Variants in SLC26A5 observed in about 807,000 individuals in gnomAD.
The protein encoded by SLC26A5 is solute carrier family 26 member 5.
In SLC26A5, 51 loss-of-function variants were observed where a neutral mutation model predicts 81.0. The ratio of observed to expected loss-of-function variants is 0.63; its 90% confidence interval spans 0.50 to 0.80. The LOEUF (loss-of-function observed/expected upper bound fraction) is 0.80, where lower values mean the gene tolerates loss of function less well. SLC26A5 is among the 30% of genes least tolerant of loss of function. SLC26A5 has a pLI of 0.00. For missense variants in SLC26A5, 771 were observed against 905.8 expected, an observed-to-expected ratio of 0.85 and a Z score of 1.91; for synonymous variants, 325 against 332.8, an observed-to-expected ratio of 0.98 and a Z score of 0.25.
intron 8 of SLC26A5, among the ~76,000 whole-genome samples, chr7:103,400,578 C>T (rs964750374): frequency 1.1e-4 from 16 of 152,144 alleles, no homozygotes; most frequent in Non-Finnish European, 1.6e-4. Context: ...TTAATTAGAT[C>T]CCATTTGTCA....
chr7:103,437,607 A>G (rs895163746), intron 2 of SLC26A5, among the ~76,000 whole-genome samples: 3 of 152,252 alleles, frequency 2.0e-5, no homozygotes, highest in African/African-American at 7.2e-5. Context: ...AGCCTTAAAA[A>G]AGAAAGAAAT....
Position 103,356,555 on chromosome 7 carries a change from T to C in SLC26A5, c.2042-3629A>G, listed in dbSNP as rs1299613705. 1.3e-5 allele frequency among the ~76,000 whole-genome samples: 2 copies of C among 152,254 alleles called. 1 individual carries two copies. Among genetic ancestry groups the C allele is most frequent in the Non-Finnish European group, 2.9e-5 (2 of 68,040 alleles). On this transcript the variant is annotated intron_variant, in intron 19 of 19. Transcript: ENST00000339444. ...TTTGAGGGAAAATAATTTTAATTTGTACTGTGTTGATTACTAGTATGATAG... is the reference window on the plus strand; with the variant it reads ...TTTGAGGGAAAATAATTTTAATTTGCACTGTGTTGATTACTAGTATGATAG...
At chr7:103,356,376 C>A (rs984588979) in intron 19 of SLC26A5, among the ~76,000 whole-genome samples, 1 of 152,112 alleles carries the variant, frequency 6.6e-6, no homozygotes. Flanking sequence ...TAGCTTACTA[C>A]AAGTGGAATT....
rs148739907 is a variant in SLC26A5, at chr7:103,429,811, G to C, written c.-53-8244C>G. On this transcript the variant is annotated intron_variant, in intron 2 of 19. Coordinates refer to ENST00000306312, the MANE Select transcript of SLC26A5 (RefSeq NM_198999.3). ...TGCAGCTGGCTAGCAGACATTTGTT[G>C]GCTGAATGATCTTGAGTGAGTGGCA... Among the ~76,000 whole-genome samples, 1,093 of 152,316 alleles carry C rather than the reference G, an allele frequency of 7.2e-3. 11 individuals carry two copies. The highest frequency in any genetic ancestry group is 0.025 in the African/African-American group (1,051 of 41,564).
intron 4 of SLC26A5, among the ~76,000 whole-genome samples, chr7:103,414,040 T>A (rs148748671): frequency 2.0e-5 from 3 of 152,116 alleles, no homozygotes; most frequent in Admixed American, 2.0e-4. Flanking sequence ...GTACAGTCTA[T>A]GCAAATGTAC....
intron 4 of SLC26A5, 121 bp from the exon 5 acceptor site, chr7:103,413,233 A>G: frequency 1.4e-6 from 1 of 720,796 alleles, no homozygotes; most frequent in Non-Finnish European, 2.5e-6. Context: ...TTTAAGCTGC[A>G]ACCTGCCCTA....
At chr7:103,403,471 G>A (rs2116587727) in intron 8 of SLC26A5, among the ~76,000 whole-genome samples, 1 of 152,298 alleles carries the variant, frequency 6.6e-6, no homozygotes, top group East Asian at 1.9e-4. Flanking sequence ...ACAGTGGGGT[G>A]TTAAAGTCTC....
rs1820372543 is a variant in SLC26A5, at chr7:103,361,207, G to C, written c.2042-8281C>G. 2.6e-5 allele frequency among the ~76,000 whole-genome samples: 4 copies of C among 152,040 alleles called. No homozygotes were observed. In the South Asian group the frequency reaches 8.3e-4, roughly 32 times the overall value. ...ACAATAAAAATGGATTTAAAGTCCGGGTGTGGTGGCTCACGCCTGTAATCC... is the reference window on the plus strand; with the variant it reads ...ACAATAAAAATGGATTTAAAGTCCGCGTGTGGTGGCTCACGCCTGTAATCC... On this transcript the variant is annotated intron_variant, in intron 19 of 19. Transcript: ENST00000339444.
At chr7:103,411,720 C>T in intron 5 of SLC26A5, 134 bp from the exon 6 acceptor site, 5 of 988,462 alleles carry the variant, frequency 5.1e-6, no homozygotes, top group Middle Eastern at 2.7e-4. Context: ...TCTTTAGTGT[C>T]CTGCCCCTGG....
At position 103,391,085 on chromosome 7, in the gene SLC26A5, G is replaced by A. The variant is rs936248105; in HGVS notation, c.1233+537C>T. ...TCACCAGGTTGGACAGGATGGTCTC[G>A]ATCTCTTGACCTCATGATCTGCCCG... is the stretch of plus-strand genomic sequence containing the variant. On this transcript the variant is annotated intron_variant, in intron 11 of 19. Transcript: ENST00000306312. 2.0e-5 allele frequency among the ~76,000 whole-genome samples: 3 copies of A among 152,062 alleles called. No homozygotes were observed. The East Asian group carries it at 5.8e-4, about 29-fold the overall frequency.
At chr7:103,355,318 A>G (rs886859257) in intron 19 of SLC26A5, among the ~76,000 whole-genome samples, 1 of 152,188 alleles carries the variant, frequency 6.6e-6, no homozygotes, top group Non-Finnish European at 1.5e-5. Flanking sequence ...TTTGGGGGGA[A>G]CTTGAATGAT....
At chr7:103,390,081 CAT>C (rs1938783322) in intron 12 of SLC26A5, among the ~76,000 whole-genome samples, 2 of 152,022 alleles carry the variant, frequency 1.3e-5, no homozygotes, top group South Asian at 4.2e-4. Context: ...TTAAATATAC[CAT>C]CATGTAAATG....
intron 2 of SLC26A5, among the ~76,000 whole-genome samples, chr7:103,439,914 A>G (rs1826751177): frequency 2.0e-5 from 3 of 152,178 alleles, no homozygotes; most frequent in Admixed American, 2.0e-4. Flanking sequence ...ACTCCCAGAT[A>G]GACTCGTAAC....
At chr7:103,371,066 CTG>C (rs770653846), downstream of SLC26A5, among the ~76,000 whole-genome samples, 9 of 152,100 alleles carry the variant, frequency 5.9e-5, no homozygotes, top group Non-Finnish European at 8.8e-5. Context: ...AGAGACGAGA[CTG>C]TAAGACAAAA....
At chr7:103,438,299 A>G (rs2116852477) in intron 2 of SLC26A5, among the ~76,000 whole-genome samples, 1 of 152,246 alleles carries the variant, frequency 6.6e-6, no homozygotes, top group African/African-American at 2.4e-5. Flanking sequence ...AAAACATCAC[A>G]TTGTACCCAT....
Position 103,411,593 on chromosome 7 carries a change from TAATG to T in SLC26A5, c.404-11_404-8del, listed in dbSNP as rs1824492457. The T allele has an allele frequency of 6.2e-7, 1 of 1,613,920 alleles. No individual in the cohort carries two copies. The highest frequency in any genetic ancestry group is 1.7e-5 in the Admixed American group (1 of 59,998). On this transcript the variant is annotated splice_polypyrimidine_tract_variant and splice_region_variant and intron_variant, in intron 5 of 19. Transcript: ENST00000306312. Reference sequence around the variant, plus strand: ...CTAATAACAGCAAAAGGACCTGAAATAATGAAGCATGAAGATCCCTGTTCAGGGT... The same window carrying T: ...CTAATAACAGCAAAAGGACCTGAAATAAGCATGAAGATCCCTGTTCAGGGT...
intron 14 of SLC26A5, among the ~76,000 whole-genome samples, chr7:103,386,536 C>G (rs1473687786): frequency 1.3e-5 from 2 of 151,846 alleles, no homozygotes; most frequent in African/African-American, 4.8e-5. Flanking sequence ...GCACTCCAGC[C>G]TGGGTGACAG....
chr7:103,371,900 A>T (rs149415182), downstream of SLC26A5, among the ~76,000 whole-genome samples: 772 of 150,308 alleles, frequency 5.1e-3, 1 homozygote, highest in African/African-American at 0.016. Context: ...TTTCACCATG[A>T]TGGCCAGGCT....
At chr7:103,381,859 C>T (rs1231533900) in intron 14 of SLC26A5, among the ~76,000 whole-genome samples, 1 of 151,628 alleles carries the variant, frequency 6.6e-6, no homozygotes, top group Non-Finnish European at 1.5e-5. Flanking sequence ...ACACCACACA[C>T]ACAACACACA....
Sources: allele counts gnomAD v4.1 joint callset (sites outside exome capture counted in the v4.1 genomes callset), GRCh38; gene constraint gnomAD v4.1.1; transcripts MANE v1.5; gene names NCBI Gene and HGNC (gene_info 2026-07-23, HGNC 2026-07-21).